Variants in MAP3K8 observed in about 807,000 individuals in gnomAD.
MAP3K8 encodes mitogen-activated protein kinase kinase kinase 8.
Under a neutral mutation model 45.8 loss-of-function variants are expected in MAP3K8, and 22 were observed. The ratio of observed to expected loss-of-function variants is 0.48; its 90% CI spans 0.34 to 0.69. The LOEUF (loss-of-function observed/expected upper bound fraction) is 0.69. Ranked by LOEUF, MAP3K8 falls within the 30% of genes least tolerant of loss-of-function variation. MAP3K8 has a pLI of 0.01. For synonymous variants in MAP3K8, 223 were observed against 214.3 expected, an observed-to-expected ratio of 1.04 and a Z score of -0.36; for missense variants, 419 against 585.0, an observed-to-expected ratio of 0.72 and a Z score of 2.93.
At chr10:30,436,910 C>G (rs1345893012) in intron 1 of MAP3K8, among the ~76,000 whole-genome samples, 2 of 150,468 alleles carry the variant, frequency 1.3e-5, no homozygotes, top group East Asian at 2.0e-4. Context: ...TTTTTAACCT[C>G]TGTGTTTCCA....
chr10:30,434,486 C>T (rs1835846718), intron 1 of MAP3K8, 108 bp downstream of exon 1: 1 of 985,606 alleles, frequency 1.0e-6, no homozygotes, highest in Non-Finnish European at 1.2e-6. Context: ...GAGGGGAAAA[C>T]TCTGGCGTGG....
At chr10:30,457,421 C>T (rs1836775212) in intron 6 of MAP3K8, among the ~76,000 whole-genome samples, 1 of 152,176 alleles carries the variant, frequency 6.6e-6, no homozygotes, top group Non-Finnish European at 1.5e-5. Flanking sequence ...ACTTCTATCA[C>T]CTTTTATCAT....
At chr10:30,453,198 A>T (rs1468059157) in intron 6 of MAP3K8, among the ~76,000 whole-genome samples, 2 of 152,268 alleles carry the variant, frequency 1.3e-5, no homozygotes, top group East Asian at 1.9e-4. Context: ...TTCTAAGTCT[A>T]ACCCTAAGGT....
intron 8 of MAP3K8, among the ~76,000 whole-genome samples, chr10:30,459,730 A>G (rs1278482989): frequency 6.6e-6 from 1 of 152,178 alleles, no homozygotes; most frequent in Non-Finnish European, 1.5e-5. Flanking sequence ...TAGGTAGCAC[A>G]GTCACTGGAA....
chr10:30,455,840 G>C (rs897681789), intron 6 of MAP3K8, among the ~76,000 whole-genome samples: 1 of 152,190 alleles, frequency 6.6e-6, no homozygotes, highest in Admixed American at 6.5e-5. Context: ...GCTGTTTCAT[G>C]CCTTCTAATC....
At chr10:30,439,516 A>G (rs1836026891) in intron 3 of MAP3K8, 1 of 951,800 alleles carries the variant, frequency 1.1e-6, no homozygotes, top group Non-Finnish European at 1.5e-6. Flanking sequence ...GTAATTAAGA[A>G]GAATGTATTT....
At chr10:30,458,266 G>GGC (rs1554774854) in intron 7 of MAP3K8, 30 bp downstream of exon 7, 6 of 1,228,088 alleles carry the variant, frequency 4.9e-6, no homozygotes, top group Admixed American at 3.1e-5. Flanking sequence ...GGCTGGGGGC[G>GGC]GCGGGGGGGG....
rs775287955 is a variant in MAP3K8 at position 30,454,192 on chromosome 10, G to A, written c.873+2448G>A. 3.8e-4 allele frequency among the ~76,000 whole-genome samples: 58 copies of A among 151,998 alleles called. 1 individual carries two copies. Among genetic ancestry groups the A allele is most frequent in the Admixed American group, 2.7e-3 (41 of 15,246 alleles). ...GAAGTGCCCATAGGAAATAGAGAGA[G>A]GGTCTTTGGCTGCACCTCTATGTCA... On this transcript the variant is annotated intron_variant, in intron 6 of 8. Coordinates refer to ENST00000263056, the MANE Select transcript of MAP3K8 (RefSeq NM_005204.4).
At chr10:30,440,925 G>C (rs1836083153) in intron 3 of MAP3K8, among the ~76,000 whole-genome samples, 1 of 152,046 alleles carries the variant, frequency 6.6e-6, no homozygotes, top group Non-Finnish European at 1.5e-5. Context: ...CTTATTCCGT[G>C]GCCTATCTGG....
At chr10:30,437,696 A>C (rs1179012744) in intron 2 of MAP3K8, among the ~76,000 whole-genome samples, 1 of 152,246 alleles carries the variant, frequency 6.6e-6, no homozygotes, top group African/African-American at 2.4e-5. Flanking sequence ...TGGCTGGGTC[A>C]TGCGTGCAGG....
In MAP3K8 at chr10:30,459,361, G is replaced by A. The variant is rs1321200473; in HGVS notation, c.1133G>A (p.Arg378Lys). ...SLERNPNHRPRAADLLKHEAL... is the reference protein window; with the variant it reads ...SLERNPNHRPKAADLLKHEAL... ...GAGAGAAACCCCAATCACCGCCCAA[G>A]AGCCGCAGACCTACTAAAACATGAG... The change falls in exon 8 of 9, where the codon AGA (arginine) becomes AAA (lysine). Residue 378 changes from arginine to lysine, a missense_variant. Arg to Lys is a conservative substitution (Grantham distance 26). Coordinates refer to ENST00000263056, the MANE Select transcript of MAP3K8 (RefSeq NM_005204.4). The A allele has an allele frequency of 1.9e-6, 3 of 1,614,084 alleles. No homozygotes were observed. The highest frequency in any genetic ancestry group is 2.5e-6 in the Non-Finnish European group (3 of 1,180,056).
At chr10:30,442,499 A>G (rs1836148222) in intron 3 of MAP3K8, among the ~76,000 whole-genome samples, 1 of 152,222 alleles carries the variant, frequency 6.6e-6, no homozygotes, top group South Asian at 2.1e-4. Flanking sequence ...CAGGAATTAC[A>G]AAAGCATCCT....
At chr10:30,458,259 TG>T in intron 7 of MAP3K8, 23 bp downstream of exon 7, 6 of 448,242 alleles carry the variant, frequency 1.3e-5, no homozygotes, top group Non-Finnish European at 1.7e-5. Context: ...CAACCAGGGC[TG>T]GGGGCGGCGG....
At chr10:30,452,162 C>T (rs1373298080) in intron 6 of MAP3K8, among the ~76,000 whole-genome samples, 3 of 151,338 alleles carry the variant, frequency 2.0e-5, no homozygotes, top group Admixed American at 2.0e-4. Flanking sequence ...AGCAAGACCC[C>T]ATCTCTATAA....
chr10:30,440,834 A>G (rs1321958694), intron 3 of MAP3K8, among the ~76,000 whole-genome samples: 2 of 151,162 alleles, frequency 1.3e-5, no homozygotes, highest in Admixed American at 1.3e-4. Context: ...TTCTATAAAA[A>G]TGAGTATTTT....
chr10:30,459,138 C>A, intron 7 of MAP3K8, 117 bp from the exon 8 acceptor site: 1 of 1,084,136 alleles, frequency 9.2e-7, no homozygotes, highest in South Asian at 1.5e-5. Flanking sequence ...GAACTGCATT[C>A]GTTGCAGGGC....
At chr10:30,457,860 C>T (rs1057421206) in intron 6 of MAP3K8, among the ~76,000 whole-genome samples, 3 of 152,026 alleles carry the variant, frequency 2.0e-5, no homozygotes, top group East Asian at 1.9e-4. Flanking sequence ...ACTCCTGATC[C>T]GCCCACCTCA....
At position 30,458,243 on chromosome 10, in the gene MAP3K8, G is replaced by T; in HGVS notation, c.1026+7G>T. The T allele has an allele frequency of 4.7e-6, 7 of 1,481,490 alleles. No homozygotes were observed. Among genetic ancestry groups the T allele is most frequent in the Non-Finnish European group, 6.3e-6 (7 of 1,105,900 alleles). 91.8% of individuals were successfully genotyped at this position (1,481,490 alleles called of 1,614,324 possible). A position where few individuals can be genotyped will look rare whatever the true frequency, so the allele number is the denominator to read the frequency against. ...TCCCTCCTACCTGTACATAGTAAGTGGGGTTCAACCAGGGCTGGGGGCGGC... is the reference window on the plus strand; with the variant it reads ...TCCCTCCTACCTGTACATAGTAAGTTGGGTTCAACCAGGGCTGGGGGCGGC... On this transcript the variant is annotated splice_region_variant and intron_variant, in intron 7 of 8. Transcript: ENST00000263056.
chr10:30,454,947 T>C (rs998362046), intron 6 of MAP3K8, among the ~76,000 whole-genome samples: 1 of 152,190 alleles, frequency 6.6e-6, no homozygotes, highest in African/African-American at 2.4e-5. Flanking sequence ...ACAAACTATT[T>C]ATGGTATTAA....
Sources: allele counts gnomAD v4.1 joint callset (sites outside exome capture counted in the v4.1 genomes callset), GRCh38; gene constraint gnomAD v4.1.1; transcripts MANE v1.5; gene names NCBI Gene and HGNC (gene_info 2026-07-23, HGNC 2026-07-21).